The following MACROD1 variants were observed in gnomAD, a reference collection of about 807,000 sequenced individuals.
MACROD1 encodes the protein ADP-ribose glycohydrolase MACROD1.
MACROD1 carries 31 observed loss-of-function variants against 41.4 expected under a neutral mutation model. The ratio of observed to expected loss-of-function variants is 0.75; its 90% CI spans 0.56 to 1.01. The LOEUF (loss-of-function observed/expected upper bound fraction) is 1.01. Ranked by LOEUF, MACROD1 falls within the 50% of genes least tolerant of loss-of-function variation. MACROD1 has a pLI of 0.00. For missense variants in MACROD1, 473 were observed against 460.0 expected (o/e 1.03, Z -0.26); for synonymous variants, 252 against 203.4 (o/e 1.24, Z -2.03).
chr11:64,112,342 G>A (rs996212346), intron 3 of MACROD1, among the ~76,000 whole-genome samples: 5 of 151,936 alleles, frequency 3.3e-5, no homozygotes, highest in African/African-American at 1.2e-4. Flanking sequence ...TGAGACCCCC[G>A]TCTCTACTAA....
chr11:64,055,286 C>T (rs1024257824), intron 3 of MACROD1, among the ~76,000 whole-genome samples: 48 of 152,212 alleles, frequency 3.2e-4, no homozygotes, highest in African/African-American at 8.0e-4. Context: ...ATGCAGTGGG[C>T]GGGAGACAGG....
intron 3 of MACROD1, chr11:64,117,153 C>G: frequency 6.2e-7 from 1 of 1,613,810 alleles, no homozygotes; most frequent in Non-Finnish European, 8.5e-7. Flanking sequence ...GATGCGTGAG[C>G]TGGAGCGGCT....
intron 4 of MACROD1, among the ~76,000 whole-genome samples, chr11:64,012,082 T>C (rs1052383045): frequency 2.0e-5 from 3 of 152,236 alleles, no homozygotes; most frequent in African/African-American, 7.2e-5. Context: ...TCTCAGCCCA[T>C]GTTAAAAGGT....
chr11:64,079,701 G>A (rs1447087706), intron 3 of MACROD1, among the ~76,000 whole-genome samples: 1 of 152,116 alleles, frequency 6.6e-6, no homozygotes, highest in Non-Finnish European at 1.5e-5. Context: ...GGAAAGGAAG[G>A]ACTGGGGATT....
chr11:64,015,110 TG>T, intron 4 of MACROD1, 141 bp downstream of exon 4: 1 of 881,436 alleles, frequency 1.1e-6, no homozygotes, highest in Non-Finnish European at 1.6e-6. Flanking sequence ...TCTCCAGCTC[TG>T]GGGAAGGGAG....
At chr11:64,057,213 G>C (rs933294878) in intron 3 of MACROD1, among the ~76,000 whole-genome samples, 1 of 152,238 alleles carries the variant, frequency 6.6e-6, no homozygotes, top group African/African-American at 2.4e-5. Flanking sequence ...GGCAGCCTCT[G>C]GGACCAGCTT....
intron 4 of MACROD1, among the ~76,000 whole-genome samples, chr11:64,007,167 C>A (rs1224931172): frequency 6.6e-6 from 1 of 152,226 alleles, no homozygotes; most frequent in Admixed American, 6.5e-5. Flanking sequence ...GTTCCAAACT[C>A]TACCATTCAA....
At chr11:64,047,543 T>C (rs574225171) in intron 3 of MACROD1, among the ~76,000 whole-genome samples, 2 of 152,228 alleles carry the variant, frequency 1.3e-5, no homozygotes, top group East Asian at 3.9e-4. Flanking sequence ...CATTTAATCT[T>C]TACAGTGGCC....
intron 10 of MACROD1, 58 bp downstream of exon 10, chr11:63,998,780 G>T: frequency 6.9e-7 from 1 of 1,448,420 alleles, no homozygotes; most frequent in East Asian, 2.4e-5. Context: ...GTGAGCGGGG[G>T]TTAGTGGGCG....
chr11:64,039,374 G>GC (rs1219855593), intron 3 of MACROD1, among the ~76,000 whole-genome samples: 1 of 152,176 alleles, frequency 6.6e-6, no homozygotes, highest in East Asian at 1.9e-4. Flanking sequence ...CCTGGCTGCT[G>GC]CCCCCGGTGT....
At chr11:64,140,112 G>T (rs1016176020) in intron 3 of MACROD1, among the ~76,000 whole-genome samples, 3 of 152,100 alleles carry the variant, frequency 2.0e-5, no homozygotes, top group Non-Finnish European at 4.4e-5. Flanking sequence ...ACCCCTGAAG[G>T]CCTTCAGGGG....
chr11:64,080,073 C>T (rs1944275909), intron 3 of MACROD1, among the ~76,000 whole-genome samples: 1 of 152,188 alleles, frequency 6.6e-6, no homozygotes, highest in African/African-American at 2.4e-5. Flanking sequence ...AGTGCAATGG[C>T]ACCATCCCTG....
chr11:64,129,879 T>C (rs1219550843), intron 3 of MACROD1, among the ~76,000 whole-genome samples: 1 of 152,082 alleles, frequency 6.6e-6, no homozygotes, highest in Non-Finnish European at 1.5e-5. Context: ...AGGACCTGCA[T>C]TTCAGGAATG....
rs5792312 is a variant in MACROD1, at chr11:64,118,927, T to TA, written c.517+32311dup. ...TTCTTTGAACAATCATGTAGTCGAT[T>TA]AAAAAAAAAAAACAAACTTTTTTTT... is the stretch of plus-strand genomic sequence containing the variant. On this transcript the variant is annotated intron_variant, in intron 3 of 10. Transcript: ENST00000255681. 3.8e-3 allele frequency: 590 copies of TA among 156,066 alleles called. 1 individual carries two copies. The highest frequency in any genetic ancestry group is 3.5e-3 in the Middle Eastern group (1 of 288). The allele number at this position is 156,066 out of a possible 1,614,324, so 9.7% of individuals were successfully genotyped here.
At chr11:64,086,576 G>A (rs747714967) in intron 3 of MACROD1, among the ~76,000 whole-genome samples, 2 of 152,044 alleles carry the variant, frequency 1.3e-5, no homozygotes, top group Admixed American at 1.3e-4. Context: ...TCCTGCCTCC[G>A]GGCCTTTGCA....
chr11:64,079,959 C>G (rs1377342534), intron 3 of MACROD1, among the ~76,000 whole-genome samples: 1 of 152,160 alleles, frequency 6.6e-6, no homozygotes, highest in Non-Finnish European at 1.5e-5. Context: ...GATCAGGCCT[C>G]AGCTGTGTTA....
chr11:64,104,277 C>A (rs1944720310), intron 3 of MACROD1: 1 of 152,316 alleles, frequency 6.6e-6, no homozygotes, highest in Non-Finnish European at 1.5e-5. Flanking sequence ...GTTGCACCCT[C>A]CAAAGGCCCC....
intron 3 of MACROD1, among the ~76,000 whole-genome samples, chr11:64,124,509 T>C (rs537016344): frequency 1.3e-5 from 2 of 152,204 alleles, no homozygotes; most frequent in Non-Finnish European, 2.9e-5. Flanking sequence ...ACAGAAAGAT[T>C]CTTTTTGCTC....
chr11:63,999,934 C>G, intron 5 of MACROD1, 171 bp from the exon 6 acceptor site: 1 of 747,470 alleles, frequency 1.3e-6, no homozygotes, highest in African/African-American at 1.8e-5. Context: ...CGAATCCGCA[C>G]GCGCACAGAG....
Sources: gnomAD v4.1 joint callset for allele counts (sites outside exome capture counted in the v4.1 genomes callset) on GRCh38, gnomAD v4.1.1 for gene constraint, MANE v1.5 for transcripts, NCBI Gene and HGNC (gene_info 2026-07-23, HGNC 2026-07-21) for gene names.